Variants in KAZN observed in about 807,000 individuals in gnomAD.
KAZN encodes the protein kazrin.
KAZN carries 40 observed loss-of-function variants against 87.4 expected under a neutral mutation model. The ratio of observed to expected loss-of-function variants is 0.46; its 90% CI spans 0.36 to 0.60. KAZN has a LOEUF of 0.60. Ranked by LOEUF, KAZN falls within the 20% of genes least tolerant of loss-of-function variation. The probability of loss-of-function intolerance (pLI) is 0.00; values close to 1 mark genes in which losing one functional copy is unlikely to be tolerated. For missense variants in KAZN, 898 were observed against 1,073.9 expected, an observed-to-expected ratio of 0.84 and a Z score of 2.29; for synonymous variants, 466 against 458.3, an observed-to-expected ratio of 1.02 and a Z score of -0.22.
At chr1:14,581,919 G>C in intron 2 of KAZN, among the ~76,000 whole-genome samples, 1 of 151,836 alleles carries the variant, frequency 6.6e-6, no homozygotes, top group Non-Finnish European at 1.5e-5. Context: ...TCGTCCTTTA[G>C]TTCCTGTTCC....
At chr1:14,336,156 G>A (rs901551489) in intron 2 of KAZN, among the ~76,000 whole-genome samples, 1 of 152,188 alleles carries the variant, frequency 6.6e-6, no homozygotes, top group Non-Finnish European at 1.5e-5. Context: ...CCAAAGAATG[G>A]AGGCTACTAA....
intron 1 of KAZN, among the ~76,000 whole-genome samples, chr1:14,847,660 T>C (rs1354910275): frequency 6.6e-6 from 1 of 152,190 alleles, no homozygotes; most frequent in Admixed American, 6.5e-5. Flanking sequence ...ATCTGTTCCA[T>C]TCAGTGCAGC....
At chr1:14,122,529 A>G (rs1160812676) in intron 1 of KAZN, among the ~76,000 whole-genome samples, 1 of 152,206 alleles carries the variant, frequency 6.6e-6, no homozygotes, top group Non-Finnish European at 1.5e-5. Context: ...ACTGAGATTC[A>G]ATGAGATAGT....
chr1:14,098,996 A>C (rs77479626), intron 1 of KAZN, among the ~76,000 whole-genome samples: 7,966 of 152,130 alleles, frequency 0.052, 640 homozygotes, highest in African/African-American at 0.17. Context: ...GTCAGGGTTT[A>C]GGGTTTGGAG....
chr1:14,981,202 G>C (rs900582752), intron 2 of KAZN, among the ~76,000 whole-genome samples: 2 of 152,218 alleles, frequency 1.3e-5, no homozygotes, highest in Admixed American at 1.3e-4. Flanking sequence ...CTGGGAGCTG[G>C]GGCCTAGCTC....
rs547018172 is a variant in KAZN, at chr1:14,001,157, G to T, written c.91+107401G>T. ...CAAACTGATAAGCAACTTCAGCAAA[G>T]TCTCAGCATACAAAATTAATGTGCA... On this transcript the variant is annotated intron_variant, in intron 1 of 16. Coordinates refer to the KAZN transcript ENST00000636203. Among the ~76,000 whole-genome samples the T allele has an allele frequency of 2.0e-5, 3 of 152,214 alleles. No homozygotes were observed. The South Asian group carries it at 6.2e-4, about 32-fold the overall frequency.
intron 1 of KAZN, among the ~76,000 whole-genome samples, chr1:14,800,906 G>T (rs933977771): frequency 6.6e-6 from 1 of 152,034 alleles, no homozygotes; most frequent in Non-Finnish European, 1.5e-5. Context: ...GTGACTGCTC[G>T]TGGGTAGGGG....
intron 2 of KAZN, among the ~76,000 whole-genome samples, chr1:14,582,607 G>A (rs1204394037): frequency 1.3e-5 from 2 of 152,130 alleles, no homozygotes; most frequent in Non-Finnish European, 2.9e-5. Context: ...CTGGAGGAAT[G>A]GAACCTTCAG....
intron 1 of KAZN, among the ~76,000 whole-genome samples, chr1:14,108,018 A>G (rs956467807): frequency 3.9e-5 from 6 of 152,030 alleles, no homozygotes; most frequent in African/African-American, 9.7e-5. Context: ...TTCAGAATCT[A>G]TCTATCCTTG....
At chr1:14,601,035 C>T (rs754833919) in intron 1 of KAZN, among the ~76,000 whole-genome samples, 20 of 152,166 alleles carry the variant, frequency 1.3e-4, no homozygotes, top group Non-Finnish European at 2.5e-4. Flanking sequence ...CACAAATGCA[C>T]AGGGCTGTGG....
chr1:14,627,666 A>G (rs1679246832), intron 1 of KAZN, among the ~76,000 whole-genome samples: 1 of 152,138 alleles, frequency 6.6e-6, no homozygotes, highest in Non-Finnish European at 1.5e-5. Flanking sequence ...TATATGTTCA[A>G]TGACTCCCAG....
intron 2 of KAZN, among the ~76,000 whole-genome samples, chr1:14,981,482 T>C (rs1666243345): frequency 6.6e-6 from 1 of 152,230 alleles, no homozygotes; most frequent in African/African-American, 2.4e-5. Context: ...TGCTCTTCTA[T>C]CATTGAACAC....
intron 1 of KAZN, among the ~76,000 whole-genome samples, chr1:14,040,047 ACG>A (rs796298601): frequency 4.0e-5 from 6 of 151,222 alleles, no homozygotes; most frequent in African/African-American, 1.5e-4. Flanking sequence ...GTGTGTGTGC[ACG>A]TGTGTGTGTG....
chr1:14,973,270 T>G (rs1665267467), intron 2 of KAZN, among the ~76,000 whole-genome samples: 1 of 152,238 alleles, frequency 6.6e-6, no homozygotes, highest in African/African-American at 2.4e-5. Context: ...CCAGACATTA[T>G]TCTGGGCACT....
intron 2 of KAZN, among the ~76,000 whole-genome samples, chr1:14,976,756 C>T (rs565761611): frequency 6.6e-6 from 1 of 152,216 alleles, no homozygotes; most frequent in African/African-American, 2.4e-5. Context: ...GCAGGGCGCT[C>T]AAAAACTGGG....
Position 14,111,441 on chromosome 1 carries a change from A to T in KAZN, c.92-68994A>T, listed in dbSNP as rs1417853056. 1.5e-5 allele frequency among the ~76,000 whole-genome samples: 2 copies of T among 135,718 alleles called. 1 individual carries two copies. Among genetic ancestry groups the T allele is most frequent in the Non-Finnish European group, 3.2e-5 (2 of 63,104 alleles). 89.0% of individuals were successfully genotyped at this position (135,718 alleles called of 152,430 possible). ...TCTCTATATGCCCTGTGCTTGGCAC[A>T]TAGAAAGCTGGTGATAATTGTGCAC... On this transcript the variant is annotated intron_variant, in intron 1 of 16. Transcript: ENST00000636203.
chr1:14,508,016 A>G (rs1670693541), intron 2 of KAZN, among the ~76,000 whole-genome samples: 1 of 151,626 alleles, frequency 6.6e-6, no homozygotes. Flanking sequence ...TACTTGGAGC[A>G]AAATCTTCCC....
At chr1:14,846,939 G>A (rs373704066) in intron 1 of KAZN, among the ~76,000 whole-genome samples, 1 of 152,166 alleles carries the variant, frequency 6.6e-6, no homozygotes, top group East Asian at 1.9e-4. Flanking sequence ...CACAGCCCCT[G>A]GCAGGGAGCG....
rs528957070 is a variant in KAZN at position 13,983,289 on chromosome 1, A to G, written c.91+89533A>G. 1.0e-3 allele frequency among the ~76,000 whole-genome samples: 157 copies of G among 152,350 alleles called. 2 individuals carry two copies. The Middle Eastern group carries it at 0.014, about 13-fold the overall frequency. On this transcript the variant is annotated intron_variant, in intron 1 of 16. Coordinates refer to the KAZN transcript ENST00000636203. ...GGGAGGCTCAGGCATGGCGGGCTGC[A>G]GGTCCCGAGCCCTGCCCCACGGGAA...
Sources: gnomAD v4.1 joint callset for allele counts (sites outside exome capture counted in the v4.1 genomes callset) on GRCh38, gnomAD v4.1.1 for gene constraint, MANE v1.5 for transcripts, NCBI Gene and HGNC (gene_info 2026-07-23, HGNC 2026-07-21) for gene names.